Variants in ANO2 observed in about 807,000 individuals in gnomAD.
The protein encoded by ANO2 is anoctamin-2.
In ANO2, 101 loss-of-function variants were observed where a neutral mutation model predicts 124.2. The ratio of observed to expected loss-of-function variants is 0.81; its 90% confidence interval spans 0.69 to 0.96. The LOEUF is 0.96. ANO2 is among the 40% of genes least tolerant of loss of function. The pLI is 0.00. For synonymous variants in ANO2, 486 were observed against 482.5 expected, an observed-to-expected ratio of 1.01 and a Z score of -0.09; for missense variants, 1,293 against 1,274.5, an observed-to-expected ratio of 1.01 and a Z score of -0.22.
upstream of ANO2, chr12:5,946,090 T>C (rs1943088520): frequency 6.3e-7 from 1 of 1,586,022 alleles, no homozygotes; most frequent in African/African-American, 1.3e-5. This position sits in a 1 kb window ranked among gnomAD's most constrained non-coding sequence, Gnocchi z 4.1. Flanking sequence ...ATTAATACCA[T>C]GGACCCCCAA....
rs542439418 is a variant in ANO2 at position 5,854,233 on chromosome 12, C to T, written c.535-92G>A. 1.8e-5 allele frequency: 21 copies of T among 1,153,454 alleles called. No individual in the cohort carries two copies. In the African/African-American group the frequency reaches 3.3e-4, roughly 18 times the overall value. 71.5% of individuals were successfully genotyped at this position (1,153,454 alleles called of 1,614,324 possible). A position where few individuals can be genotyped will look rare whatever the true frequency, so the allele number is the denominator to read the frequency against. On this transcript the variant is annotated intron_variant, in intron 3 of 24. Coordinates refer to ENST00000682330, the MANE Select transcript of ANO2 (RefSeq NM_001364791.2). ...CAACTGTTCCACACAAGGAGCCCAACCCGTTGTTCTTCAGTTTCTCGTTTT... is the reference window on the plus strand; with the variant it reads ...CAACTGTTCCACACAAGGAGCCCAATCCGTTGTTCTTCAGTTTCTCGTTTT...
chr12:5,634,634 T>C (rs1285274743), intron 16 of ANO2, among the ~76,000 whole-genome samples: 1 of 152,206 alleles, frequency 6.6e-6, no homozygotes, highest in Non-Finnish European at 1.5e-5. Context: ...GCGTGGGAAG[T>C]CTGATATGCC....
intron 23 of ANO2, among the ~76,000 whole-genome samples, chr12:5,569,620 C>A (rs1941981135): frequency 6.6e-6 from 1 of 152,160 alleles, no homozygotes; most frequent in African/African-American, 2.4e-5. Flanking sequence ...ATTTCCGAAC[C>A]TAGGTCCCTG....
At chr12:5,679,746 A>T (rs1384351295) in intron 14 of ANO2, among the ~76,000 whole-genome samples, 1 of 152,230 alleles carries the variant, frequency 6.6e-6, no homozygotes, top group Non-Finnish European at 1.5e-5. Context: ...TCAAAGACCT[A>T]GAACCAGAAA....
At position 5,669,136 on chromosome 12, in the gene ANO2, G is replaced by A. The variant is rs111410231; in HGVS notation, c.1546-21335C>T. On this transcript the variant is annotated intron_variant, in intron 14 of 24. Transcript: ENST00000682330. ...GCATTGAGTCTACAAATTACTGTGG[G>A]CCATTTTCACAATATTGATTCTTCC... Among the ~76,000 whole-genome samples, 1,183 of 152,128 alleles carry A rather than the reference G, an allele frequency of 7.8e-3. 9 individuals carry two copies. Among genetic ancestry groups the A allele is most frequent in the Non-Finnish European group, 0.012 (796 of 68,008 alleles).
At chr12:5,881,043 A>G (rs560529575) in intron 3 of ANO2, among the ~76,000 whole-genome samples, 2 of 152,324 alleles carry the variant, frequency 1.3e-5, no homozygotes, top group African/African-American at 4.8e-5. Flanking sequence ...CCAGAACCAG[A>G]GCAATGGACA....
intron 7 of ANO2, among the ~76,000 whole-genome samples, chr12:5,809,200 CAATT>C (rs1243496777): frequency 6.6e-6 from 1 of 152,118 alleles, no homozygotes; most frequent in Admixed American, 6.5e-5. Context: ...CACAAGACTA[CAATT>C]TCACTCTGAG....
rs61908360 is a variant in ANO2, at chr12:5,832,538, G to A, written c.699C>T (p.Ser233=). 7.9e-3 allele frequency: 12,788 copies of A among 1,613,970 alleles called. 67 individuals are homozygous for A. The highest frequency in any genetic ancestry group is 9.5e-3 in the Non-Finnish European group (11,266 of 1,179,872). Residue 233 remains serine, a synonymous_variant, in exon 5 of 25, where the codon AGC becomes AGT. Coordinates refer to ENST00000682330, the MANE Select transcript of ANO2 (RefSeq NM_001364791.2). ...CTGGAACTCGGGGCTGCAGGTGCGAGCTCAGCTTCTGCAGAGCCGCGCTGA... is the reference window on the plus strand; with the variant it reads ...CTGGAACTCGGGGCTGCAGGTGCGAACTCAGCTTCTGCAGAGCCGCGCTGA... ...KKFSAALQKL[S]SHLQPRVPEH...
intron 1 of ANO2, 140 bp downstream of exon 1, chr12:5,945,056 G>T: frequency 1.6e-6 from 1 of 623,134 alleles, no homozygotes; most frequent in Non-Finnish European, 2.2e-6. Context: ...GAAAAACGGG[G>T]TCAACTTCCC....
intron 1 of ANO2, among the ~76,000 whole-genome samples, chr12:5,936,517 C>G (rs1460639325): frequency 6.6e-6 from 1 of 152,180 alleles, no homozygotes; most frequent in Non-Finnish European, 1.5e-5. Flanking sequence ...AAAGTGCCAT[C>G]TTGGAAGCAG....
At chr12:5,662,599 C>T (rs982659261) in intron 14 of ANO2, among the ~76,000 whole-genome samples, 26 of 152,186 alleles carry the variant, frequency 1.7e-4, no homozygotes, top group Admixed American at 5.2e-4. Context: ...ATGCAGACAA[C>T]ATACATCTAA....
At chr12:5,929,683 T>C (rs1454742676) in intron 1 of ANO2, among the ~76,000 whole-genome samples, 2 of 143,536 alleles carry the variant, frequency 1.4e-5, no homozygotes, top group African/African-American at 5.4e-5. Flanking sequence ...CCAGTCTTCC[T>C]TCCTTACTAG....
chr12:5,565,539 C>A lies in ANO2; in HGVS notation c.2727+19G>T, dbSNP rs1387855921. On this transcript the variant is annotated intron_variant, in intron 24 of 24. Transcript: ENST00000682330. ...GCAGCCCGGATTCGAATGGGCTATT[C>A]CCTATCCCAGCAACTCACCTGGAAG... 2 of 1,569,828 alleles carry A rather than the reference C, an allele frequency of 1.3e-6. No individual in the cohort carries two copies. The highest frequency in any genetic ancestry group is 1.7e-6 in the Non-Finnish European group (2 of 1,152,998).
In ANO2 at chr12:5,945,254, G is replaced by T. The variant is rs1388881472; in HGVS notation, c.-37C>A. ...AGACCCCGCCGGCCCGCGGCCGCGC[G>T]CTTCTGGGCAGGCTTATGCCGCCGC... On this transcript the variant is annotated 5_prime_UTR_variant, in exon 1 of 25. Transcript: ENST00000682330. The T allele has an allele frequency of 3.9e-6, 5 of 1,282,412 alleles. No individual in the cohort carries two copies. In the Admixed American group the frequency reaches 1.2e-4, roughly 30 times the overall value. 79.4% of individuals were successfully genotyped at this position (1,282,412 alleles called of 1,614,324 possible).
intron 7 of ANO2, among the ~76,000 whole-genome samples, chr12:5,820,877 T>G (rs889350075): frequency 5.3e-5 from 8 of 152,230 alleles, no homozygotes; most frequent in African/African-American, 1.4e-4. Context: ...TTAACACATC[T>G]CCTGGTACCT....
chr12:5,792,028 C>G (rs1454360797), intron 10 of ANO2, among the ~76,000 whole-genome samples: 1 of 152,108 alleles, frequency 6.6e-6, no homozygotes, highest in East Asian at 1.9e-4. Flanking sequence ...GACCTACAGC[C>G]ATCATCACAG....
At chr12:5,603,634 C>T (rs918186652) in intron 19 of ANO2, among the ~76,000 whole-genome samples, 4 of 152,086 alleles carry the variant, frequency 2.6e-5, no homozygotes, top group Non-Finnish European at 5.9e-5. Flanking sequence ...AAAATGCTTG[C>T]AGCATAGAGT....
At chr12:5,626,750 T>C (rs1279902802) in intron 16 of ANO2, among the ~76,000 whole-genome samples, 2 of 152,180 alleles carry the variant, frequency 1.3e-5, no homozygotes, top group African/African-American at 4.8e-5. Context: ...GGAGAATTCA[T>C]CCTGCAAGAG....
chr12:5,770,235 T>C (rs1466070473), intron 10 of ANO2, among the ~76,000 whole-genome samples: 1 of 149,672 alleles, frequency 6.7e-6, no homozygotes, highest in Admixed American at 6.7e-5. Context: ...TTGCCAGTTA[T>C]ATGATTTGCC....
Sources: allele counts gnomAD v4.1 joint callset (sites outside exome capture counted in the v4.1 genomes callset), GRCh38; gene constraint gnomAD v4.1.1; non-coding constraint Gnocchi (gnomAD v3.1); transcripts MANE v1.5; gene names NCBI Gene and HGNC (gene_info 2026-07-23, HGNC 2026-07-21).